URGCP: variants seen among roughly 807,000 people sequenced by gnomAD.
URGCP encodes the protein up-regulator of cell proliferation.
A neutral mutation model predicts 24.6 loss-of-function variants in URGCP; 13 were observed. That is an observed-to-expected ratio of 0.53 (90% CI 0.34 to 0.84). The LOEUF is 0.84. Among genes scored for constraint, URGCP ranks in the 40% least tolerant of loss-of-function variants. URGCP has a pLI of 0.01. For missense variants in URGCP, 899 were observed against 1,194.3 expected, an observed-to-expected ratio of 0.75 and a Z score of 3.64; for synonymous variants, 444 against 487.2, an observed-to-expected ratio of 0.91 and a Z score of 1.17.
Position 43,919,426 on chromosome 7 carries a change from T to C in URGCP, c.-116+6706A>G. 4.4e-6 allele frequency: 4 copies of C among 901,490 alleles called. No homozygotes were observed. The East Asian group carries it at 9.6e-5, about 22-fold the overall frequency. 55.8% of individuals were successfully genotyped at this position (901,490 alleles called of 1,614,324 possible). ...ATCATCTCGGCCAGCACCATCACCC[T>C]GCGCTACCCCAGCTACATGGACAAT... On this transcript the variant is annotated intron_variant, in intron 1 of 5. Coordinates refer to the URGCP transcript ENST00000426198.
chr7:43,896,240 G>A (rs1193640666), intron 1 of URGCP, among the ~76,000 whole-genome samples: 1 of 152,110 alleles, frequency 6.6e-6, no homozygotes, highest in African/African-American at 2.4e-5. Flanking sequence ...GGTGGCTCAC[G>A]TGGTCAGGAG....
chr7:43,885,645 G>A (rs2095861059), intron 3 of URGCP, among the ~76,000 whole-genome samples: 1 of 152,054 alleles, frequency 6.6e-6, no homozygotes, highest in Non-Finnish European at 1.5e-5. Context: ...TATCTTAGAG[G>A]TCATAGTTAA....
chr7:43,884,888 G>A (rs1188453171), intron 3 of URGCP, among the ~76,000 whole-genome samples: 1 of 152,038 alleles, frequency 6.6e-6, no homozygotes, highest in Non-Finnish European at 1.5e-5. Context: ...AAATTATATC[G>A]TGTGACTACA....
At chr7:43,906,258 C>T (rs1238299900) in intron 1 of URGCP, 1 of 156,472 alleles carries the variant, frequency 6.4e-6, no homozygotes, top group Non-Finnish European at 1.4e-5. Context: ...TCCCGCCGCG[C>T]CCCGGGCACC....
At chr7:43,925,673 T>C (rs2095928619) in intron 1 of URGCP, among the ~76,000 whole-genome samples, 1 of 151,990 alleles carries the variant, frequency 6.6e-6, no homozygotes. Context: ...CTAATTTCTG[T>C]ATTTTTAGTA....
At chr7:43,895,617 G>A (rs2095877081) in intron 1 of URGCP, among the ~76,000 whole-genome samples, 3 of 152,258 alleles carry the variant, frequency 2.0e-5, no homozygotes, top group South Asian at 2.1e-4. Context: ...AGAGGTTGCA[G>A]TGAGGTGAGA....
intron 1 of URGCP, 120 bp from the exon 2 acceptor site, chr7:43,887,936 G>A: frequency 1.5e-6 from 1 of 647,266 alleles, no homozygotes; most frequent in South Asian, 2.2e-5. Flanking sequence ...AAATTCTGCA[G>A]CCATTAAAAA....
intron 1 of URGCP, among the ~76,000 whole-genome samples, chr7:43,912,851 ATTT>A (rs556790949): frequency 1.4e-5 from 2 of 146,786 alleles, no homozygotes; most frequent in South Asian, 2.2e-4. Context: ...TTCTCCTTCA[ATTT>A]TTTTTTTTCT....
upstream of URGCP, chr7:43,926,552 A>T (rs1180279838): frequency 6.4e-7 from 1 of 1,569,950 alleles, no homozygotes; most frequent in Non-Finnish European, 8.6e-7. Flanking sequence ...AAGCGGATCC[A>T]GAAGGTACGC....
upstream of URGCP, among the ~76,000 whole-genome samples, chr7:43,909,110 G>C (rs1017400779): frequency 3.9e-5 from 6 of 152,224 alleles, no homozygotes; most frequent in Middle Eastern, 3.4e-3. Flanking sequence ...AAATTTTGAA[G>C]AGTTGAATTT....
intron 1 of URGCP, among the ~76,000 whole-genome samples, chr7:43,890,839 G>T (rs935148225): frequency 6.6e-6 from 1 of 152,220 alleles, no homozygotes; most frequent in Non-Finnish European, 1.5e-5. Flanking sequence ...GCCATAAATG[G>T]CATGTGGCTG....
intron 1 of URGCP, among the ~76,000 whole-genome samples, chr7:43,902,177 GA>G (rs1414555920): frequency 5.3e-5 from 8 of 149,992 alleles, no homozygotes; most frequent in African/African-American, 1.7e-4. Flanking sequence ...GAGGGAGGAG[GA>G]GGGGGGAAGA....
At chr7:43,918,824 G>A in intron 1 of URGCP, 1 of 1,260,308 alleles carries the variant, frequency 7.9e-7, no homozygotes, top group Non-Finnish European at 1.2e-6. Context: ...TCGCTACTGA[G>A]GGCACTGACC....
intron 1 of URGCP, among the ~76,000 whole-genome samples, chr7:43,892,536 G>T (rs543429598): frequency 4.7e-4 from 71 of 152,114 alleles, no homozygotes; most frequent in African/African-American, 1.6e-3. Flanking sequence ...GTCTTCACAT[G>T]GCTTTCTCCC....
At chr7:43,893,532 C>T (rs897069815) in intron 1 of URGCP, among the ~76,000 whole-genome samples, 7 of 152,048 alleles carry the variant, frequency 4.6e-5, no homozygotes, top group Non-Finnish European at 8.8e-5. Flanking sequence ...ATGTTGTCTA[C>T]AAGAAACTCA....
At position 43,878,427 on chromosome 7, in the gene URGCP, G is replaced by C; in HGVS notation, c.1036C>G (p.Leu346Val). The change falls in exon 6 of 6, where the codon CTG becomes GTG. Residue 346 changes from leucine to valine, a missense_variant. By Grantham distance (32) the Leu-to-Val change is conservative. Coordinates refer to ENST00000453200, the MANE Select transcript of URGCP (RefSeq NM_001077663.3). This position sits in a 1 kb window ranked among gnomAD's most constrained non-coding sequence, Gnocchi z 5.6. The stretch of plus-strand genomic sequence containing the variant: ...ATTTCTGTCAAGAGCTTAAACTGCA[G>C]CCAGTGAGACCCGATGTCACCTCTC... ...NLRGDIGSHW[L>V]QFKLLTEISS... 6.2e-7 allele frequency: 1 copy of C among 1,614,212 alleles called. No individual in the cohort carries two copies. Among genetic ancestry groups the C allele is most frequent in the South Asian group, 1.1e-5 (1 of 91,086 alleles).
chr7:43,918,606 C>A (rs765040425), intron 1 of URGCP: 2 of 516,476 alleles, frequency 3.9e-6, no homozygotes, highest in Admixed American at 3.2e-5. Flanking sequence ...TCTTAAAGAG[C>A]GCTCAGCTTA....
intron 1 of URGCP, 75 bp downstream of exon 1, chr7:43,906,487 C>A: frequency 8.8e-7 from 1 of 1,140,850 alleles, no homozygotes. Flanking sequence ...AGCCCGCAGG[C>A]CAGAGCCGCT....
chr7:43,903,176 T>C (rs1585826249), intron 1 of URGCP, among the ~76,000 whole-genome samples: 1 of 147,714 alleles, frequency 6.8e-6, no homozygotes. Flanking sequence ...AAAATGTAGG[T>C]AAATCAAAAA....
Sources: gnomAD v4.1 joint callset for allele counts (sites outside exome capture counted in the v4.1 genomes callset) on GRCh38, gnomAD v4.1.1 for gene constraint, Gnocchi (gnomAD v3.1) non-coding constraint, MANE v1.5 for transcripts, NCBI Gene and HGNC (gene_info 2026-07-23, HGNC 2026-07-21) for gene names.